PLEC: variants seen among roughly 807,000 people sequenced by gnomAD.
The protein encoded by PLEC is plectin.
Under a neutral mutation model 392.8 loss-of-function variants are expected in PLEC, and 216 were observed. The observed-to-expected ratio is 0.55, with a 90% CI of 0.49 to 0.62. The LOEUF (loss-of-function observed/expected upper bound fraction) is 0.62, where lower values mean the gene tolerates loss of function less well. PLEC is among the 20% of genes least tolerant of loss of function. PLEC has a pLI of 0.00. For synonymous variants in PLEC, 3,621 were observed against 2,980.6 expected, an observed-to-expected ratio of 1.21 and a Z score of -7.00; for missense variants, 6,863 against 6,563.4, an observed-to-expected ratio of 1.05 and a Z score of -1.58.
chr8:143,916,408 G>A lies in PLEC; in HGVS notation c.13413C>T (p.Thr4471=). Residue 4471 remains threonine, a synonymous_variant, in exon 32 of 32, where the codon ACC becomes ACT. Coordinates refer to ENST00000345136, the MANE Select transcript of PLEC (RefSeq NM_201384.3). ...CGCTGTAGGGGCTGTAGTAGCCCTTGGTGGACTGCGCGGCAGCCTCCAGCA... is the reference window on the plus strand; with the variant it reads ...CGCTGTAGGGGCTGTAGTAGCCCTTAGTGGACTGCGCGGCAGCCTCCAGCA... ...LRLLEAAAQS[T]KGYYSPYSVS... 1 of 1,611,466 alleles carries A rather than the reference G, an allele frequency of 6.2e-7. No homozygotes were observed. The highest frequency in any genetic ancestry group is 8.5e-7 in the Non-Finnish European group (1 of 1,179,358).
intron 1 of PLEC, among the ~76,000 whole-genome samples, chr8:143,947,561 A>G (rs1554733026): frequency 4.6e-5 from 7 of 151,974 alleles, no homozygotes. Context: ...CCTGGCCAAC[A>G]TGGCGAAACC....
intron 1 of PLEC, among the ~76,000 whole-genome samples, chr8:143,968,529 C>CAAAA (rs57468544): frequency 3.1e-5 from 2 of 63,712 alleles, no homozygotes; most frequent in Non-Finnish European, 5.7e-5. Flanking sequence ...AACTCCATCT[C>CAAAA]AAAAAAAAAA....
At position 143,929,140 on chromosome 8, in the gene PLEC, C is replaced by G. The variant is rs543478256; in HGVS notation, c.3223G>C (p.Glu1075Gln). 1 of 1,588,308 alleles carries G rather than the reference C, an allele frequency of 6.3e-7. No homozygotes were observed. The highest frequency in any genetic ancestry group is 1.1e-5 in the South Asian group (1 of 87,720). Residue 1075 changes from glutamate to glutamine, a missense_variant, in exon 25 of 32, where the codon GAG (glutamate) becomes CAG (glutamine). Transcript: ENST00000345136. ...SELELTLGKLEQVRSLSAIYL... is the reference protein window; with the variant it reads ...SELELTLGKLQQVRSLSAIYL... ...ATGGCAGACAGGCTGCGGACCTGCTCCAGCTTGCCCAGCGTCAGCTCCAGC... is the reference window on the plus strand; with the variant it reads ...ATGGCAGACAGGCTGCGGACCTGCTGCAGCTTGCCCAGCGTCAGCTCCAGC...
At chr8:143,943,720 G>C, upstream of PLEC, 1 of 1,496,526 alleles carries the variant, frequency 6.7e-7, no homozygotes, top group Non-Finnish European at 9.2e-7. Flanking sequence ...TGAAGGGGCG[G>C]GAGGCAGGCG....
chr8:143,928,111 G>C (rs1427994441), intron 25 of PLEC, 119 bp from the exon 26 acceptor site: 2 of 1,282,212 alleles, frequency 1.6e-6, no homozygotes, highest in East Asian at 4.8e-5. Flanking sequence ...CAACCCTGGG[G>C]GTCAGCTGAC....
chr8:143,933,900 A>C, intron 12 of PLEC, 98 bp downstream of exon 12: 2 of 1,027,874 alleles, frequency 1.9e-6, no homozygotes, highest in Non-Finnish European at 2.9e-6. Flanking sequence ...CTGCCCCAGG[A>C]GCCCAGGGGG....
At position 143,927,331 on chromosome 8, in the gene PLEC, A is replaced by C. The variant is rs1381588205; in HGVS notation, c.3761T>G (p.Leu1254Arg). 2 of 1,612,844 alleles carry C rather than the reference A, an allele frequency of 1.2e-6. No individual in the cohort carries two copies. Among genetic ancestry groups the C allele is most frequent in the Non-Finnish European group, 1.7e-6 (2 of 1,179,922 alleles). Residue 1254 changes from leucine (L) to arginine (R), a missense_variant, in exon 28 of 32, where the codon CTG (leucine) becomes CGG (arginine). Coordinates refer to ENST00000345136, the MANE Select transcript of PLEC (RefSeq NM_201384.3). ...GCCGTGGCGCTCGATCTCCTCCAGC[A>C]GGGCCTGGGTGATGGTGTGGTCAGA... Reference protein sequence around the residue: ...VREQLRQEQALLEEIERHGEK... With the variant: ...VREQLRQEQARLEEIERHGEK...
upstream of PLEC, among the ~76,000 whole-genome samples, chr8:143,953,316 G>A (rs1344473752): frequency 7.4e-6 from 1 of 134,312 alleles, no homozygotes; most frequent in Non-Finnish European, 1.6e-5. Context: ...AGCCGGCCCG[G>A]CGCCTCTGCA....
chr8:143,964,185 T>G (rs1832984702), intron 1 of PLEC, among the ~76,000 whole-genome samples: 1 of 152,096 alleles, frequency 6.6e-6, no homozygotes, highest in Non-Finnish European at 1.5e-5. Context: ...AAACATTTAT[T>G]TTGGAAGTGG....
intron 2 of PLEC, 74 bp downstream of exon 2, chr8:143,938,557 C>T (rs981739379): frequency 5.8e-5 from 90 of 1,546,612 alleles, no homozygotes; most frequent in Non-Finnish European, 7.5e-5. Context: ...CAGCCTTGGG[C>T]GGCAGGGGCC....
In PLEC at chr8:143,919,449, G is replaced by A. The variant is rs571305150; in HGVS notation, c.10372C>T (p.Arg3458Trp). The A allele has an allele frequency of 1.1e-4, 178 of 1,613,244 alleles. No individual in the cohort carries two copies. The East Asian group carries it at 1.3e-3, about 12-fold the overall frequency. ...FQAMQKGLVLRQHGIRLLEAQ... is the reference protein window; with the variant it reads ...FQAMQKGLVLWQHGIRLLEAQ... ...TCCAGCAGGCGGATGCCGTGCTGCC[G>A]GAGAACCAGGCCCTTCTGCATGGCC... is the stretch of plus-strand genomic sequence containing the variant. The change falls in exon 32 of 32, where the codon CGG becomes TGG. Residue 3458 changes from arginine (R) to tryptophan (W), a missense_variant. Arg to Trp is a moderately radical substitution (Grantham distance 101). Transcript: ENST00000345136.
chr8:143,942,245 G>A, upstream of PLEC: 2 of 908,992 alleles, frequency 2.2e-6, no homozygotes, highest in East Asian at 5.6e-5. Flanking sequence ...CTCCCCAGGT[G>A]TTTCCGGAGC....
Position 143,916,540 on chromosome 8 carries a change from G to A in PLEC, c.13281C>T (p.Asp4427=), listed in dbSNP as rs782135892. The change falls in exon 32 of 32, where the codon GAC becomes GAT. Residue 4427 remains aspartate (D), a synonymous_variant. Coordinates refer to ENST00000345136, the MANE Select transcript of PLEC (RefSeq NM_201384.3). ...VDARTAQKLR[D]VGAYSKYLTC... Reference sequence around the variant, plus strand: ...TGAGGTACTTGGAGTAGGCGCCCACGTCACGCAGCTTCTGTGCGGTGCGGG... The same window carrying A: ...TGAGGTACTTGGAGTAGGCGCCCACATCACGCAGCTTCTGTGCGGTGCGGG... 3.5e-5 allele frequency: 56 copies of A among 1,611,686 alleles called. No homozygotes were observed. In the South Asian group the frequency reaches 3.6e-4, roughly 10 times the overall value.
In PLEC at chr8:143,933,096, G is replaced by C. The variant is rs782751690; in HGVS notation, c.1434C>G (p.His478Gln). Residue 478 changes from histidine (H) to glutamine (Q), a missense_variant, in exon 14 of 32, where the codon CAC becomes CAG. Physicochemically the swap from His to Gln is conservative, Grantham distance 24. Coordinates refer to ENST00000345136, the MANE Select transcript of PLEC (RefSeq NM_201384.3). ...CGGTGCGGATGGCTACCAGGCGCTC[G>C]TGCAGACGGTACACCCTGGGGCAGC... ...EQMYRRVYRL[H>Q]ERLVAIRTEY... 2.5e-6 allele frequency: 4 copies of C among 1,592,168 alleles called. No individual in the cohort carries two copies. In the South Asian group the frequency reaches 3.4e-5, roughly 13 times the overall value.
Position 143,930,282 on chromosome 8 carries a change from C to G in PLEC, c.2474G>C (p.Gly825Ala). 1 of 1,603,390 alleles carries G rather than the reference C, an allele frequency of 6.2e-7. No homozygotes were observed. Among genetic ancestry groups the G allele is most frequent in the Non-Finnish European group, 8.5e-7 (1 of 1,178,784 alleles). Residue 825 changes from glycine (G) to alanine (A), a missense_variant, in exon 21 of 32, where the codon GGT becomes GCT. By Grantham distance (60) the Gly-to-Ala change is moderately conservative. Transcript: ENST00000345136. Reference sequence around the variant, plus strand: ...AGGGCCCACCAGCTGGCACTCGTCACCCTTGTGCACAGTCACCTGGGACGG... The same window carrying G: ...AGGGCCCACCAGCTGGCACTCGTCAGCCTTGTGCACAGTCACCTGGGACGG... ...YKQVEVTVHKGDECQLVGPAQ... is the reference protein window; with the variant it reads ...YKQVEVTVHKADECQLVGPAQ...
At position 143,921,376 on chromosome 8, in the gene PLEC, A is replaced by C; in HGVS notation, c.8445T>G (p.Val2815=). Residue 2815 remains valine (V), a synonymous_variant, in exon 32 of 32, where the codon GTT becomes GTG. Transcript: ENST00000345136. ...CGCGGTGGCTGTGCACGGGGTCGAT[A>C]ACGCCGCCCGTGGCGATCTGGGCCT... is the stretch of plus-strand genomic sequence containing the variant. ...LLEAQIATGG[V]IDPVHSHRVP... The C allele has an allele frequency of 6.2e-7, 1 of 1,613,332 alleles. No individual in the cohort carries two copies. The highest frequency in any genetic ancestry group is 8.5e-7 in the Non-Finnish European group (1 of 1,179,804).
At position 143,925,680 on chromosome 8, in the gene PLEC, T is replaced by C. The variant is rs1406875872; in HGVS notation, c.4249A>G (p.Ser1417Gly). ...AAVDAQQQKR[S>G]IQEELQQLRQ... ...AGCTGCTGCAGCTCCTCCTGAATGC[T>C]GCGCTTCTGCTGCTGCGCGTCCACC... The change falls in exon 31 of 32, where the codon AGC becomes GGC. Residue 1417 changes from serine to glycine, a missense_variant. Coordinates refer to ENST00000345136, the MANE Select transcript of PLEC (RefSeq NM_201384.3). 7.5e-6 allele frequency: 12 copies of C among 1,591,178 alleles called. No individual in the cohort carries two copies. Among genetic ancestry groups the C allele is most frequent in the Middle Eastern group, 3.3e-4 (2 of 6,070 alleles).
chr8:143,923,906 A>G lies in PLEC; in HGVS notation c.6023T>C (p.Leu2008Pro), dbSNP rs782301215. The change falls in exon 31 of 32, where the codon CTG (leucine) becomes CCG (proline). Residue 2008 changes from leucine (L) to proline (P), a missense_variant. By Grantham distance (98) the Leu-to-Pro change is moderately conservative. Transcript: ENST00000345136. ...GGCTTTCAGCCGCTCGACTTCCTCCAGCGCCGCCTTCCGCTGCCGTGCGGC... is the reference window on the plus strand; with the variant it reads ...GGCTTTCAGCCGCTCGACTTCCTCCGGCGCCGCCTTCCGCTGCCGTGCGGC... ...EEAARQRKAA[L>P]EEVERLKAKV... 2 of 1,594,512 alleles carry G rather than the reference A, an allele frequency of 1.3e-6. No individual in the cohort carries two copies. Among genetic ancestry groups the G allele is most frequent in the South Asian group, 1.1e-5 (1 of 90,754 alleles).
chr8:143,967,994 G>A (rs1021865758), intron 1 of PLEC, among the ~76,000 whole-genome samples: 5 of 152,010 alleles, frequency 3.3e-5, no homozygotes, highest in Admixed American at 2.0e-4. Context: ...CAGGTGTGGT[G>A]GCGCACACAT....
Sources: gnomAD v4.1 joint callset for allele counts (sites outside exome capture counted in the v4.1 genomes callset) on GRCh38, gnomAD v4.1.1 for gene constraint, MANE v1.5 for transcripts, NCBI Gene and HGNC (gene_info 2026-07-23, HGNC 2026-07-21) for gene names.